TMEM168: variants seen among roughly 807,000 people sequenced by gnomAD.
TMEM168 encodes the protein transmembrane protein 168.
Under a neutral mutation model 53.2 loss-of-function variants are expected in TMEM168, and 40 were observed. The ratio of observed to expected loss-of-function variants is 0.75; its 90% CI spans 0.58 to 0.98. The LOEUF (loss-of-function observed/expected upper bound fraction) is 0.98, where lower values mean the gene tolerates loss of function less well. TMEM168 is among the 50% of genes least tolerant of loss of function. TMEM168 has a pLI of 0.00. For missense variants in TMEM168, 771 were observed against 828.8 expected (o/e 0.93, Z 0.86); for synonymous variants, 282 against 293.0 (o/e 0.96, Z 0.38).
rs773677780 is a variant in TMEM168, at chr7:112,767,463, G to A, written c.1828C>T (p.Arg610Cys). The change falls in exon 5 of 5, where the codon CGC becomes TGC. Residue 610 changes from arginine (R) to cysteine (C), a missense_variant. By Grantham distance (180) the Arg-to-Cys change is radical. Transcript: ENST00000312814. ...ACACCATATACTGCTTTCACTGTGC[G>A]TCCCTTTTCAGTCCAGCAGATGTTA... is the stretch of plus-strand genomic sequence containing the variant. The part of the protein sequence containing the change: ...SNNICWTEKG[R>C]TVKAVYGVSK... The A allele has an allele frequency of 2.8e-5, 46 of 1,614,144 alleles. No individual in the cohort carries two copies. The highest frequency in any genetic ancestry group is 1.6e-4 in the Middle Eastern group (1 of 6,062).
intron 2 of TMEM168, among the ~76,000 whole-genome samples, chr7:112,779,116 C>T (rs1793165163): frequency 1.3e-5 from 2 of 152,092 alleles, no homozygotes; most frequent in South Asian, 4.1e-4. Flanking sequence ...GTCTCAAACT[C>T]CTGGGTTCAA....
Position 112,784,528 on chromosome 7 carries a change from C to T in TMEM168, c.298G>A (p.Gly100Arg). The T allele has an allele frequency of 6.2e-7, 1 of 1,614,044 alleles. No individual in the cohort carries two copies. The highest frequency in any genetic ancestry group is 8.5e-7 in the Non-Finnish European group (1 of 1,179,998). ...AAACATAGGAGGCCAAGCAAGAATC[C>T]AAACCAAAGATTGGAGAGACTTAAA... is the stretch of plus-strand genomic sequence containing the variant. ...ASLSLSNLWF[G>R]FLLGLLCFLD... is the part of the protein sequence containing the mutation. Residue 100 changes from glycine (G) to arginine (R), a missense_variant, in exon 2 of 5, where the codon GGA becomes AGA. By Grantham distance (125) the Gly-to-Arg change is moderately radical. Transcript: ENST00000312814.
At chr7:112,790,082 G>C (rs1409560522) in intron 1 of TMEM168, 78 bp downstream of exon 1, 5 of 152,310 alleles carry the variant, frequency 3.3e-5, no homozygotes, top group African/African-American at 1.2e-4. Context: ...GGCGGAGCTT[G>C]GGGTCCGGAC....
At chr7:112,780,834 G>A (rs531904120) in intron 2 of TMEM168, among the ~76,000 whole-genome samples, 4 of 151,830 alleles carry the variant, frequency 2.6e-5, no homozygotes, top group African/African-American at 9.7e-5. Context: ...AGTACCTGGG[G>A]TTGGGAGAAG....
chr7:112,779,079 C>T (rs575179388), intron 2 of TMEM168, among the ~76,000 whole-genome samples: 1 of 152,148 alleles, frequency 6.6e-6, no homozygotes, highest in South Asian at 2.1e-4. Context: ...TTTGTAGAGA[C>T]AAGGTCTCCC....
Position 112,767,627 on chromosome 7 carries a change from T to A in TMEM168, c.1664A>T (p.Glu555Val). The A allele has an allele frequency of 6.2e-7, 1 of 1,614,114 alleles. No homozygotes were observed. The highest frequency in any genetic ancestry group is 8.5e-7 in the Non-Finnish European group (1 of 1,180,008). ...DSENSTPWVK[E>V]VRKINDQYIA... ...ATACTGGTCATTAATTTTCCTCACT[T>A]CTTTCACCCAAGGGGTTGAATTTTC... Residue 555 changes from glutamate to valine, a missense_variant, in exon 5 of 5, where the codon GAA (glutamate) becomes GTA (valine). By Grantham distance (121) the Glu-to-Val change is moderately radical (BLOSUM62 -2). Coordinates refer to ENST00000312814, the MANE Select transcript of TMEM168 (RefSeq NM_022484.6).
chr7:112,789,658 A>T (rs1383641760), intron 1 of TMEM168, among the ~76,000 whole-genome samples: 1 of 152,180 alleles, frequency 6.6e-6, no homozygotes, highest in Non-Finnish European at 1.5e-5. Context: ...ATACCGTATC[A>T]CTTGCATTAT....
Position 112,783,197 on chromosome 7 carries a change from T to C in TMEM168, c.1128+501A>G, listed in dbSNP as rs143893446. On this transcript the variant is annotated intron_variant, in intron 2 of 4. Transcript: ENST00000312814. ...ATCTATAATTAAGAACCTGCTATGTTGTTATATATCTGATCACCTTTTATA... is the reference window on the plus strand; with the variant it reads ...ATCTATAATTAAGAACCTGCTATGTCGTTATATATCTGATCACCTTTTATA... 9.0e-3 allele frequency among the ~76,000 whole-genome samples: 1,367 copies of C among 152,322 alleles called. 20 individuals are homozygous for C. Among genetic ancestry groups the C allele is most frequent in the African/African-American group, 0.031 (1,296 of 41,568 alleles).
intron 4 of TMEM168, among the ~76,000 whole-genome samples, chr7:112,770,033 AAAC>A (rs1323914812): frequency 6.6e-6 from 1 of 152,220 alleles, no homozygotes; most frequent in Admixed American, 6.5e-5. Flanking sequence ...TTTGCTGAAA[AAAC>A]AACAAAAAAC....
Position 112,783,984 on chromosome 7 carries a change from G to C in TMEM168, c.842C>G (p.Ser281Cys), listed in dbSNP as rs771933994. 9 of 1,612,962 alleles carry C rather than the reference G, an allele frequency of 5.6e-6. No homozygotes were observed. Among genetic ancestry groups the C allele is most frequent in the African/African-American group, 4.0e-5 (3 of 74,854 alleles). The change falls in exon 2 of 5, where the codon TCC (serine) becomes TGC (cysteine). Residue 281 changes from serine to cysteine, a missense_variant. Physicochemically the swap from Ser to Cys is moderately radical, Grantham distance 112. Coordinates refer to ENST00000312814, the MANE Select transcript of TMEM168 (RefSeq NM_022484.6). ...GTGAGTGTCTCTAAGTTTGAATGCG[G>C]AAAGAATAAAAAATGTAAGCTCAAT... is the stretch of plus-strand genomic sequence containing the variant. ...GMIELTFFILSAFKLRDTHLW... is the reference protein window; with the variant it reads ...GMIELTFFILCAFKLRDTHLW...
At position 112,784,872 on chromosome 7, in the gene TMEM168, CTTGTATTT is replaced by C. The variant is rs1793338962; in HGVS notation, c.-55_-48del. 6.7e-7 allele frequency: 1 copy of C among 1,490,842 alleles called. No individual in the cohort carries two copies. Among genetic ancestry groups the C allele is most frequent in the Admixed American group, 2.4e-5 (1 of 42,230 alleles). The allele number at this position is 1,490,842 out of a possible 1,614,324, so 92.4% of individuals were successfully genotyped here. ...TCCCTCACGTTACAAAAATTAACCG[CTTGTATTT>C]CATCCAGTATATCCAATGTATCCGC... On this transcript the variant is annotated 5_prime_UTR_variant, in exon 2 of 5. The change abolishes the stop of an existing upstream ORF in the 5' untranslated region. Transcript: ENST00000312814.
intron 2 of TMEM168, among the ~76,000 whole-genome samples, chr7:112,783,458 T>C (rs1245676352): frequency 2.6e-5 from 4 of 152,196 alleles, no homozygotes; most frequent in Admixed American, 2.0e-4. Context: ...TAATGAACAG[T>C]CAGGAAGCGG....
rs908257910 is a variant in TMEM168 at position 112,785,893 on chromosome 7, G to C, written c.-128-940C>G. ...ATGGTTCACGGTAATGCTATCTAAAGAGAACCCAATCAGATATTTAAAAAG... is the reference window on the plus strand; with the variant it reads ...ATGGTTCACGGTAATGCTATCTAAACAGAACCCAATCAGATATTTAAAAAG... On this transcript the variant is annotated intron_variant, in intron 1 of 4. Coordinates refer to ENST00000312814, the MANE Select transcript of TMEM168 (RefSeq NM_022484.6). Among the ~76,000 whole-genome samples the C allele has an allele frequency of 1.6e-4, 25 of 152,238 alleles. 1 individual carries two copies. In the South Asian group the frequency reaches 2.1e-3, roughly 13 times the overall value.
At chr7:112,777,927 TGTG>T (rs1192594506) in intron 2 of TMEM168, among the ~76,000 whole-genome samples, 1 of 139,572 alleles carries the variant, frequency 7.2e-6, no homozygotes, top group Non-Finnish European at 1.6e-5. Context: ...TGTGTGTGTG[TGTG>T]TGTGTGTGTG....
chr7:112,767,649 T>C lies in TMEM168; in HGVS notation c.1642A>G (p.Asn548Asp). Reference sequence around the variant, plus strand: ...ACTTCTTTCACCCAAGGGGTTGAATTTTCGCTGTCTAATACGATAATAAGC... The same window carrying C: ...ACTTCTTTCACCCAAGGGGTTGAATCTTCGCTGTCTAATACGATAATAAGC... ...SRLIIVLDSENSTPWVKEVRK... is the reference protein window; with the variant it reads ...SRLIIVLDSEDSTPWVKEVRK... The change falls in exon 5 of 5, where the codon AAT becomes GAT. Residue 548 changes from asparagine (N) to aspartate (D), a missense_variant. Coordinates refer to ENST00000312814, the MANE Select transcript of TMEM168 (RefSeq NM_022484.6). 6.2e-7 allele frequency: 1 copy of C among 1,614,140 alleles called. No individual in the cohort carries two copies. The highest frequency in any genetic ancestry group is 8.5e-7 in the Non-Finnish European group (1 of 1,180,016).
chr7:112,774,047 T>C (rs986039126), intron 3 of TMEM168, among the ~76,000 whole-genome samples: 1 of 152,210 alleles, frequency 6.6e-6, no homozygotes, highest in South Asian at 2.1e-4. Context: ...ACAAATAGTC[T>C]ATTTGGAGAT....
chr7:112,772,919 T>A lies in TMEM168; in HGVS notation c.1408A>T (p.Ser470Cys), dbSNP rs748447487. The A allele has an allele frequency of 6.2e-7, 1 of 1,614,080 alleles. No individual in the cohort carries two copies. Among genetic ancestry groups the A allele is most frequent in the South Asian group, 1.1e-5 (1 of 91,086 alleles). Residue 470 changes from serine (S) to cysteine (C), a missense_variant, in exon 4 of 5, where the codon AGT becomes TGT. By Grantham distance (112) the Ser-to-Cys change is moderately radical (BLOSUM62 -1). Coordinates refer to ENST00000312814, the MANE Select transcript of TMEM168 (RefSeq NM_022484.6). ...IETYGCDYST[S>C]GLSFDTLHSK... ...TGCAGAGTATCAAATGACAGTCCAC[T>A]TGTGGAATAGTCACATCCATAGGTC...
chr7:112,789,882 G>A (rs1363316048), intron 1 of TMEM168, among the ~76,000 whole-genome samples: 2 of 152,242 alleles, frequency 1.3e-5, no homozygotes, highest in African/African-American at 4.8e-5. Flanking sequence ...CGAGATGTGG[G>A]AGGTCCGACA....
At chr7:112,780,579 C>T (rs1378780654) in intron 2 of TMEM168, among the ~76,000 whole-genome samples, 1 of 152,092 alleles carries the variant, frequency 6.6e-6, no homozygotes, top group East Asian at 1.9e-4. Flanking sequence ...GACTCAGGGC[C>T]AGGTGCAGTG....
Sources: allele counts gnomAD v4.1 joint callset (sites outside exome capture counted in the v4.1 genomes callset), GRCh38; gene constraint gnomAD v4.1.1; transcripts MANE v1.5; gene names NCBI Gene and HGNC (gene_info 2026-07-23, HGNC 2026-07-21).